The following TLR9 variants were observed in gnomAD, a reference collection of about 807,000 sequenced individuals.
TLR9 encodes the protein toll-like receptor 9.
TLR9 carries 19 observed loss-of-function variants against 24.6 expected under a neutral mutation model. That is an observed-to-expected ratio of 0.77 (90% CI 0.54 to 1.13). The LOEUF is 1.13. Ranked by LOEUF, TLR9 falls within the 50% of genes most tolerant of loss-of-function variation. The pLI, the probability that TLR9 is intolerant of heterozygous loss-of-function variation, is 0.00. For missense variants in TLR9, 1,065 were observed against 1,379.6 expected (o/e 0.77, Z 3.61); for synonymous variants, 579 against 609.8 (o/e 0.95, Z 0.74).
rs2107295186 is a variant in TLR9 at position 52,223,402 on chromosome 3, C to T, written c.914G>A (p.Arg305His). 9 of 1,613,418 alleles carry T rather than the reference C, an allele frequency of 5.6e-6. No homozygotes were observed. The highest frequency in any genetic ancestry group is 1.1e-5 in the South Asian group (1 of 90,986). The change falls in exon 2 of 2, where the codon CGT becomes CAT. Residue 305 changes from arginine (R) to histidine (H), a missense_variant. Physicochemically the swap from Arg to His is conservative, Grantham distance 29. Transcript: ENST00000360658. The part of the protein sequence containing the change: ...SLSWLNASWF[R>H]GLGNLRVLDL... ...CAGCACTCGGAGGTTTCCCAGCCCA[C>T]GGAACCAACTGGCATTCAGCCAGGA...
chr3:52,225,639 AG>A lies in TLR9; in HGVS notation c.-111del, dbSNP rs767338540. 3 of 1,465,206 alleles carry A rather than the reference AG, an allele frequency of 2.0e-6. No individual in the cohort carries two copies. In the African/African-American group the frequency reaches 4.3e-5, roughly 21 times the overall value. The allele number at this position is 1,465,206 out of a possible 1,614,324, so 90.8% of individuals were successfully genotyped here. On this transcript the variant is annotated 5_prime_UTR_variant, in exon 1 of 2. Transcript: ENST00000360658. ...CTTCCCACAGGGGCAGCAGCGGCTC[AG>A]AGAATAGAGGAAGTAAGATTTTTAT...
chr3:52,223,977 G>A lies in TLR9; in HGVS notation c.339C>T (p.Thr113=). 6.3e-7 allele frequency: 1 copy of A among 1,594,996 alleles called. No individual in the cohort carries two copies. The highest frequency in any genetic ancestry group is 8.6e-7 in the Non-Finnish European group (1 of 1,167,436). The change falls in exon 2 of 2, where the codon ACC becomes ACT. Residue 113 remains threonine (T), a synonymous_variant. Coordinates refer to ENST00000360658, the MANE Select transcript of TLR9 (RefSeq NM_017442.4). ...LSPMHFPCHM[T]IEPSTFLAVP... is the part of the protein sequence containing the mutation. ...CAGCCAAGAAGGTGCTGGGCTCGAT[G>A]GTCATGTGGCAGGGGAAGTGCATGG... is the stretch of plus-strand genomic sequence containing the variant.
At chr3:52,225,409 C>T in intron 1 of TLR9, 118 bp downstream of exon 1, 2 of 1,325,648 alleles carry the variant, frequency 1.5e-6, no homozygotes, top group Non-Finnish European at 2.1e-6. Context: ...CAGTGAGTGT[C>T]CCCAGGGCCA....
At chr3:52,225,381 T>A in intron 1 of TLR9, 146 bp downstream of exon 1, 1 of 940,068 alleles carries the variant, frequency 1.1e-6, no homozygotes, top group Non-Finnish European at 1.6e-6. Flanking sequence ...GGGCTTCGGC[T>A]CTGAAGTCTT....
chr3:52,223,116 C>T lies in TLR9; in HGVS notation c.1200G>A (p.Met400Ile), dbSNP rs41308230. ...LPMLQTLRLQ[M>I]NFINQAQLGI... ...CGAGCTGGGCCTGGTTGATGAAGTTCATCTGCAGACGCAGAGTCTGGAGCA... is the reference window on the plus strand; with the variant it reads ...CGAGCTGGGCCTGGTTGATGAAGTTTATCTGCAGACGCAGAGTCTGGAGCA... Residue 400 changes from methionine to isoleucine, a missense_variant, in exon 2 of 2, where the codon ATG becomes ATA. Transcript: ENST00000360658. The T allele has an allele frequency of 6.2e-7, 1 of 1,613,644 alleles. No individual in the cohort carries two copies. The highest frequency in any genetic ancestry group is 2.2e-5 in the East Asian group (1 of 44,888).
rs200907891 is a variant in TLR9 at position 52,222,432 on chromosome 3, G to T, written c.1884C>A (p.Ser628Arg). 1.2e-6 allele frequency: 2 copies of T among 1,614,060 alleles called. No individual in the cohort carries two copies. The highest frequency in any genetic ancestry group is 1.7e-6 in the Non-Finnish European group (2 of 1,180,042). Residue 628 changes from serine to arginine, a missense_variant, in exon 2 of 2, where the codon AGC becomes AGA. Physicochemically the swap from Ser to Arg is moderately radical, Grantham distance 110. Transcript: ENST00000360658. Reference protein sequence around the residue: ...DLYLHFFQGLSGLIWLDLSQN... With the variant: ...DLYLHFFQGLRGLIWLDLSQN... ...GGGACAAGTCCAGCCAGATCAAACC[G>T]CTCAGGCCTTGGAAGAAGTGCAGAT...
chr3:52,224,453 A>T, intron 1 of TLR9, 141 bp from the exon 2 acceptor site: 1 of 691,558 alleles, frequency 1.4e-6, no homozygotes. Context: ...GCCAAGCCCC[A>T]TTCCCATCCC....
chr3:52,221,880 C>T lies in TLR9; in HGVS notation c.2436G>A (p.Glu812=). 1.2e-6 allele frequency: 2 copies of T among 1,613,772 alleles called. No individual in the cohort carries two copies. Among genetic ancestry groups the T allele is most frequent in the East Asian group, 4.5e-5 (2 of 44,882 alleles). The change falls in exon 2 of 2, where the codon GAG becomes GAA. Residue 812 remains glutamate (E), a synonymous_variant. Coordinates refer to ENST00000360658, the MANE Select transcript of TLR9 (RefSeq NM_017442.4). The surrounding 1 kb of genome is among the most constrained non-coding windows in gnomAD (Gnocchi z 9.9). ...GGGCGAAACAGTCCCAGGAGAGGGCCTCATCCAGGCAGAGGCGCAGGTCCT... is the reference window on the plus strand; with the variant it reads ...GGGCGAAACAGTCCCAGGAGAGGGCTTCATCCAGGCAGAGGCGCAGGTCCT... ...FAQDLRLCLD[E]ALSWDCFALS... is the part of the protein sequence containing the mutation.
rs775545937 is a variant in TLR9, at chr3:52,221,539, G to A, written c.2777C>T (p.Ser926Leu). The A allele has an allele frequency of 3.7e-6, 6 of 1,612,814 alleles. No individual in the cohort carries two copies. Among genetic ancestry groups the A allele is most frequent in the South Asian group, 2.2e-5 (2 of 91,078 alleles). Residue 926 changes from serine (S) to leucine (L), a missense_variant, in exon 2 of 2, where the codon TCG (serine) becomes TTG (leucine). Transcript: ENST00000360658. This position sits in a 1 kb window ranked among gnomAD's most constrained non-coding sequence, Gnocchi z 9.9. ...CAGCGTCTTGCGGCTGCCATAGACCGAGGCCCACAGGTTCTCAAAGAGGGT... is the reference window on the plus strand; with the variant it reads ...CAGCGTCTTGCGGCTGCCATAGACCAAGGCCCACAGGTTCTCAAAGAGGGT... The part of the protein sequence containing the change: ...GKTLFENLWA[S>L]VYGSRKTLFV...
chr3:52,224,354 T>C, intron 1 of TLR9, 42 bp from the exon 2 acceptor site: 3 of 1,472,564 alleles, frequency 2.0e-6, no homozygotes, highest in Non-Finnish European at 2.8e-6. Context: ...GGCCCCCAGC[T>C]CTACCTCCAC....
rs762213729 is a variant in TLR9, at chr3:52,222,457, T to C, written c.1859A>G (p.Tyr620Cys). 2 of 1,614,176 alleles carry C rather than the reference T, an allele frequency of 1.2e-6. No homozygotes were observed. Among genetic ancestry groups the C allele is most frequent in the Non-Finnish European group, 1.7e-6 (2 of 1,180,034 alleles). ...LGHMWAEGDL[Y>C]LHFFQGLSGL... is the part of the protein sequence containing the mutation. ...GCTCAGGCCTTGGAAGAAGTGCAGA[T>C]AGAGGTCTCCCTCGGCCCACATATG... The change falls in exon 2 of 2, where the codon TAT (tyrosine) becomes TGT (cysteine). Residue 620 changes from tyrosine to cysteine, a missense_variant. Coordinates refer to ENST00000360658, the MANE Select transcript of TLR9 (RefSeq NM_017442.4).
In TLR9 at chr3:52,222,779, T is replaced by C. The variant is rs1488228492; in HGVS notation, c.1537A>G (p.Asn513Asp). 6.2e-7 allele frequency: 1 copy of C among 1,613,958 alleles called. No homozygotes were observed. The highest frequency in any genetic ancestry group is 8.5e-7 in the Non-Finnish European group (1 of 1,180,034). Residue 513 changes from asparagine to aspartate, a missense_variant, in exon 2 of 2, where the codon AAT becomes GAT. Physicochemically the swap from Asn to Asp is conservative, Grantham distance 23. Coordinates refer to ENST00000360658, the MANE Select transcript of TLR9 (RefSeq NM_017442.4). ...GTCAGCGGCAGGAACTGGGAGCCAT[T>C]GACTGCCTGCGAGATGCAGTTGTGG... ...LSHNCISQAV[N>D]GSQFLPLTGL...
chr3:52,221,696 C>A lies in TLR9; in HGVS notation c.2620G>T (p.Val874Leu). 2 of 1,613,948 alleles carry A rather than the reference C, an allele frequency of 1.2e-6. No homozygotes were observed. The highest frequency in any genetic ancestry group is 1.7e-6 in the Non-Finnish European group (2 of 1,180,016). ...GCGCTCTGCGTTTTGTCGAAGACCA[C>A]GAAGGCATCGTAGGGCAGGGCATCC... ...DEDALPYDAF[V>L]VFDKTQSAVA... The change falls in exon 2 of 2, where the codon GTG (valine) becomes TTG (leucine). Residue 874 changes from valine to leucine, a missense_variant. Physicochemically the swap from Val to Leu is conservative, Grantham distance 32. Coordinates refer to ENST00000360658, the MANE Select transcript of TLR9 (RefSeq NM_017442.4). This position sits in a 1 kb window ranked among gnomAD's most constrained non-coding sequence, Gnocchi z 9.9.
Position 52,222,561 on chromosome 3 carries a change from G to T in TLR9, c.1755C>A (p.Asn585Lys). 3 of 1,614,212 alleles carry T rather than the reference G, an allele frequency of 1.9e-6. No individual in the cohort carries two copies. The highest frequency in any genetic ancestry group is 2.5e-6 in the Non-Finnish European group (3 of 1,180,030). The change falls in exon 2 of 2, where the codon AAC becomes AAA. Residue 585 changes from asparagine to lysine, a missense_variant. By Grantham distance (94) the Asn-to-Lys change is moderately conservative. Coordinates refer to ENST00000360658, the MANE Select transcript of TLR9 (RefSeq NM_017442.4). ...RTLRHLSLAH[N>K]NIHSQVSQQL... ...GCTGGGACACTTGGCTGTGGATGTTGTTGTGGGCCAGGCTGAGGTGGCGCA... is the reference window on the plus strand; with the variant it reads ...GCTGGGACACTTGGCTGTGGATGTTTTTGTGGGCCAGGCTGAGGTGGCGCA...
rs867381454 is a variant in TLR9 at position 52,221,859 on chromosome 3, G to A, written c.2457C>T (p.Phe819=). The change falls in exon 2 of 2, where the codon TTC becomes TTT. Residue 819 remains phenylalanine, a synonymous_variant. Transcript: ENST00000360658. This position sits in a 1 kb window ranked among gnomAD's most constrained non-coding sequence, Gnocchi z 9.9. ...GAGCCACAGCCAGCAGCGAGAGGGC[G>A]AAACAGTCCCAGGAGAGGGCCTCAT... ...CLDEALSWDC[F]ALSLLAVALG... is the part of the protein sequence containing the mutation. 14 of 1,613,732 alleles carry A rather than the reference G, an allele frequency of 8.7e-6. No homozygotes were observed. The highest frequency in any genetic ancestry group is 1.6e-4 in the Middle Eastern group (1 of 6,084).
At position 52,222,070 on chromosome 3, in the gene TLR9, G is replaced by T; in HGVS notation, c.2246C>A (p.Ala749Glu). 8.7e-6 allele frequency: 14 copies of T among 1,612,536 alleles called. No individual in the cohort carries two copies. Among genetic ancestry groups the T allele is most frequent in the Non-Finnish European group, 1.1e-5 (13 of 1,179,242 alleles). Residue 749 changes from alanine (A) to glutamate (E), a missense_variant, in exon 2 of 2, where the codon GCG (alanine) becomes GAG (glutamate). Coordinates refer to ENST00000360658, the MANE Select transcript of TLR9 (RefSeq NM_017442.4). ...TACATCTAGTATTTGCAGGGCACTCGCCAGGGGCCCAAACCAGGAGTGGTC... is the reference window on the plus strand; with the variant it reads ...TACATCTAGTATTTGCAGGGCACTCTCCAGGGGCCCAAACCAGGAGTGGTC... ...TVDHSWFGPL[A>E]SALQILDVSA... is the part of the protein sequence containing the mutation.
rs756551977 is a variant in TLR9 at position 52,224,107 on chromosome 3, A to T, written c.209T>A (p.Leu70Ter). 1.3e-6 allele frequency: 2 copies of T among 1,567,742 alleles called. No individual in the cohort carries two copies. The highest frequency in any genetic ancestry group is 1.7e-6 in the Non-Finnish European group (2 of 1,151,744). ...GAGGTGGTGGATGCGGTTGGAGGAC[A>T]AGGAAAGGCTGGTGACATTGCCACG... ...APRGNVTSLS[L>*]SSNRIHHLHD... The change falls in exon 2 of 2, where the codon TTG becomes TAG. Residue 70 changes from leucine to a stop codon, truncating the protein, a stop_gained. Coordinates refer to ENST00000360658, the MANE Select transcript of TLR9 (RefSeq NM_017442.4). LOFTEE classifies it low-confidence loss of function (END_TRUNC).
chr3:52,223,691 T>C lies in TLR9; in HGVS notation c.625A>G (p.Asn209Asp), dbSNP rs1321350883. 4 of 1,597,716 alleles carry C rather than the reference T, an allele frequency of 2.5e-6. No homozygotes were observed. The Admixed American group carries it at 5.2e-5, about 21-fold the overall frequency. Reference sequence around the variant, plus strand: ...TTGCGGGGCACCACAGTGAGGTTGTTGTACTTGAGTGACAGGTGGGTGAGG... The same window carrying C: ...TTGCGGGGCACCACAGTGAGGTTGTCGTACTTGAGTGACAGGTGGGTGAGG... ...GNLTHLSLKY[N>D]NLTVVPRNLP... is the part of the protein sequence containing the mutation. The change falls in exon 2 of 2, where the codon AAC (asparagine) becomes GAC (aspartate). Residue 209 changes from asparagine to aspartate, a missense_variant. Transcript: ENST00000360658.
Position 52,223,848 on chromosome 3 carries a change from C to T in TLR9, c.468G>A (p.Leu156=). The part of the protein sequence containing the change: ...ISLSLSHTNI[L]MLDSASLAGL... ...CGGCGAGGCTGGCAGAGTCTAGCAT[C>T]AGGATGTTGGTATGGCTGAGGGACA... The change falls in exon 2 of 2, where the codon CTG becomes CTA. Residue 156 remains leucine (L), a synonymous_variant. Transcript: ENST00000360658. The T allele has an allele frequency of 6.2e-7, 1 of 1,612,252 alleles. No homozygotes were observed. Among genetic ancestry groups the T allele is most frequent in the Non-Finnish European group, 8.5e-7 (1 of 1,178,952 alleles).
Sources: gnomAD v4.1 joint callset for allele counts on GRCh38, gnomAD v4.1.1 for gene constraint, Gnocchi (gnomAD v3.1) non-coding constraint, MANE v1.5 for transcripts, NCBI Gene and HGNC (gene_info 2026-07-23, HGNC 2026-07-21) for gene names.